The following IQSEC3 variants were observed in gnomAD, a reference collection of about 807,000 sequenced individuals.
IQSEC3 encodes the protein IQ motif and Sec7 domain ArfGEF 3.
IQSEC3 carries 50 observed loss-of-function variants against 105.4 expected under a neutral mutation model. That is an observed-to-expected ratio of 0.47 (90% CI 0.38 to 0.60). The LOEUF is 0.60. Among genes scored for constraint, IQSEC3 ranks in the 20% least tolerant of loss-of-function variants. The pLI, the probability that IQSEC3 is intolerant of heterozygous loss-of-function variation, is 0.00. For synonymous variants in IQSEC3, 708 were observed against 746.0 expected, an observed-to-expected ratio of 0.95 and a Z score of 0.83; for missense variants, 1,415 against 1,630.0, an observed-to-expected ratio of 0.87 and a Z score of 2.27.
chr12:73,485 C>A (rs1863405957), intron 1 of IQSEC3, among the ~76,000 whole-genome samples: 1 of 152,196 alleles, frequency 6.6e-6, no homozygotes, highest in Non-Finnish European at 1.5e-5. Flanking sequence ...ACCAGCCTGG[C>A]CAACATGGTG....
At chr12:169,684 C>G (rs1555099713) in intron 12 of IQSEC3, among the ~76,000 whole-genome samples, 1 of 152,174 alleles carries the variant, frequency 6.6e-6, no homozygotes, top group African/African-American at 2.4e-5. Context: ...CACACTGGCT[C>G]CAGAGCTGGC....
chr12:140,850 G>C, intron 4 of IQSEC3: 1 of 417,254 alleles, frequency 2.4e-6, no homozygotes, highest in Non-Finnish European at 4.3e-6. Context: ...GCAGGACTGG[G>C]GTAAGACCCA....
At chr12:140,936 T>C (rs78464347) in intron 4 of IQSEC3, 188 bp from the exon 5 acceptor site, 30,336 of 556,914 alleles carry the variant, frequency 0.054, 971 homozygotes, top group East Asian at 0.085. Flanking sequence ...TCCCCTGTCC[T>C]CCTTCTGGTC....
At chr12:172,328 G>A (rs561720214) in intron 13 of IQSEC3, among the ~76,000 whole-genome samples, 21 of 142,404 alleles carry the variant, frequency 1.5e-4, no homozygotes, top group South Asian at 4.5e-4. Context: ...TCTATTCCCC[G>A]CCCCCCTCCA....
At chr12:125,955 G>T (rs781929727) in intron 3 of IQSEC3, 43 bp downstream of exon 3, 18 of 1,511,376 alleles carry the variant, frequency 1.2e-5, no homozygotes, top group African/African-American at 1.5e-5. Context: ...TGGTGAAGGG[G>T]CCCTGCTTTG....
chr12:129,162 C>T (rs1865510060), intron 3 of IQSEC3, among the ~76,000 whole-genome samples: 1 of 152,252 alleles, frequency 6.6e-6, no homozygotes, highest in African/African-American at 2.4e-5. Flanking sequence ...CTGTTCCGCT[C>T]AACAGCATGG....
chr12:108,233 A>G (rs1555078559), intron 2 of IQSEC3, among the ~76,000 whole-genome samples: 4 of 152,170 alleles, frequency 2.6e-5, no homozygotes, highest in African/African-American at 4.8e-5. Flanking sequence ...CCATATACCA[A>G]TTCTTTCTAC....
At chr12:118,243 G>A (rs976173423) in intron 2 of IQSEC3, among the ~76,000 whole-genome samples, 10 of 152,130 alleles carry the variant, frequency 6.6e-5, no homozygotes, top group Non-Finnish European at 1.5e-4. Flanking sequence ...CATGAAGTGA[G>A]TTGATTTCTT....
intron 2 of IQSEC3, among the ~76,000 whole-genome samples, chr12:117,817 G>A (rs1463655297): frequency 6.6e-6 from 1 of 152,242 alleles, no homozygotes; most frequent in African/African-American, 2.4e-5. Flanking sequence ...TCTGGAAGTG[G>A]AAGAGAGCCG....
intron 4 of IQSEC3, 94 bp downstream of exon 4, chr12:139,448 G>A: frequency 9.2e-7 from 1 of 1,086,734 alleles, no homozygotes; most frequent in Non-Finnish European, 1.3e-6. Context: ...AGGGCGCCAG[G>A]TAACTTCCCA....
At chr12:168,925 C>G (rs1266289650) in intron 11 of IQSEC3, 88 bp from the exon 12 acceptor site, 1 of 1,093,140 alleles carries the variant, frequency 9.1e-7, no homozygotes, top group South Asian at 1.3e-5. Context: ...CCTCTTCCTC[C>G]CCTTTCTGCT....
At chr12:162,136 CCTT>C (rs1352252553) in intron 8 of IQSEC3, 71 bp downstream of exon 8, 27 of 1,534,858 alleles carry the variant, frequency 1.8e-5, no homozygotes, top group South Asian at 3.6e-5. Context: ...TTCCCATTCT[CCTT>C]CTTACCTTTC....
At chr12:73,089 A>G in intron 1 of IQSEC3, among the ~76,000 whole-genome samples, 1 of 149,544 alleles carries the variant, frequency 6.7e-6, no homozygotes, top group South Asian at 2.1e-4. Flanking sequence ...TAAATAAATA[A>G]ATAAATAAAA....
At chr12:94,433 T>C (rs1379107511) in intron 1 of IQSEC3, among the ~76,000 whole-genome samples, 4 of 152,196 alleles carry the variant, frequency 2.6e-5, no homozygotes, top group Admixed American at 1.3e-4. Flanking sequence ...AGGCAGGACT[T>C]ACAATTCAGC....
intron 2 of IQSEC3, among the ~76,000 whole-genome samples, chr12:123,722 C>T (rs947046863): frequency 1.3e-5 from 2 of 151,894 alleles, no homozygotes; most frequent in South Asian, 2.1e-4. Flanking sequence ...CAGTGGAAGC[C>T]GCAGGAAGAG....
At chr12:161,730 A>G (rs11613087) in intron 7 of IQSEC3, among the ~76,000 whole-genome samples, 196 bp from the exon 8 acceptor site, 23,952 of 152,070 alleles carry the variant, frequency 0.16, 2,533 homozygotes, top group African/African-American at 0.3. Context: ...GGGCCATATC[A>G]TTAGTTTTGG....
intron 5 of IQSEC3, among the ~76,000 whole-genome samples, chr12:156,499 T>TG (rs575104614): frequency 1.1e-4 from 16 of 151,792 alleles, no homozygotes; most frequent in Non-Finnish European, 2.1e-4. Flanking sequence ...CTGGGGCAGC[T>TG]GGGGGGAGCT....
chr12:74,411 C>T (rs1348567649), intron 1 of IQSEC3, among the ~76,000 whole-genome samples: 1 of 152,230 alleles, frequency 6.6e-6, no homozygotes. Flanking sequence ...AATTCTCTCC[C>T]AGGGTGTTTG....
chr12:124,207 T>G (rs964986202), intron 2 of IQSEC3, among the ~76,000 whole-genome samples: 5 of 151,670 alleles, frequency 3.3e-5, no homozygotes, highest in Non-Finnish European at 7.4e-5. Flanking sequence ...GCTGACATGG[T>G]GAAACCCTGT....
Sources: gnomAD v4.1 joint callset for allele counts (sites outside exome capture counted in the v4.1 genomes callset) on GRCh38, gnomAD v4.1.1 for gene constraint, MANE v1.5 for transcripts, NCBI Gene and HGNC (gene_info 2026-07-23, HGNC 2026-07-21) for gene names.